Variants in GABRG3 observed in about 807,000 individuals in gnomAD.
GABRG3 encodes gamma-aminobutyric acid type A receptor subunit gamma3.
Under a neutral mutation model 48.8 loss-of-function variants are expected in GABRG3, and 25 were observed. The observed-to-expected ratio is 0.51, with a 90% confidence interval of 0.37 to 0.72. The LOEUF is 0.72. Among genes scored for constraint, GABRG3 ranks in the 30% least tolerant of loss-of-function variants. The pLI, the probability that GABRG3 is intolerant of heterozygous loss-of-function variation, is 0.00. For missense variants in GABRG3, 394 were observed against 577.9 expected (o/e 0.68, Z 3.26); for synonymous variants, 227 against 217.6 (o/e 1.04, Z -0.38).
In GABRG3 at chr15:27,271,504, C is replaced by T. The variant is rs538803460; in HGVS notation, c.271-55305C>T. 1.4e-3 allele frequency: 633 copies of T among 454,470 alleles called. 2 individuals carry two copies. Among genetic ancestry groups the T allele is most frequent in the Non-Finnish European group, 2.3e-3 (527 of 226,166 alleles). The allele number at this position is 454,470 out of a possible 1,614,324, so 28.2% of individuals were successfully genotyped here. On this transcript the variant is annotated intron_variant, in intron 3 of 9. Transcript: ENST00000615808. ...GCCCTCAGAGCAACAGGCCACGCCC[C>T]GGAGCCCCCAGGCCACGCCCTTTAG...
At chr15:27,435,073 A>G (rs1046870306) in intron 5 of GABRG3, among the ~76,000 whole-genome samples, 1 of 152,014 alleles carries the variant, frequency 6.6e-6, no homozygotes, top group Non-Finnish European at 1.5e-5. Flanking sequence ...TCCCTTGAAT[A>G]TGCAGGACCT....
intron 5 of GABRG3, among the ~76,000 whole-genome samples, chr15:27,355,539 C>T (rs112859175): frequency 0.01 from 1,531 of 152,322 alleles, 30 homozygotes; most frequent in African/African-American, 0.035. Context: ...GGTGGTTCTG[C>T]TACTTCGGAA....
At chr15:27,477,767 A>G (rs530079206) in intron 5 of GABRG3, among the ~76,000 whole-genome samples, 51 of 152,272 alleles carry the variant, frequency 3.3e-4, no homozygotes, top group Admixed American at 1.9e-3. Flanking sequence ...GAGGCCGGGC[A>G]CAGTGGCTCA....
chr15:27,156,765 G>A (rs1283331849), intron 3 of GABRG3, among the ~76,000 whole-genome samples: 1 of 152,216 alleles, frequency 6.6e-6, no homozygotes, highest in Non-Finnish European at 1.5e-5. Context: ...TTACTCTGAA[G>A]GTGATCAGCA....
chr15:27,336,566 G>T (rs530819846), intron 5 of GABRG3, among the ~76,000 whole-genome samples: 11 of 152,356 alleles, frequency 7.2e-5, no homozygotes, highest in African/African-American at 2.4e-4. Context: ...TGGATACACT[G>T]CTGGTGGGAA....
intron 5 of GABRG3, among the ~76,000 whole-genome samples, chr15:27,442,170 TG>T (rs1389018710): frequency 6.6e-6 from 1 of 152,134 alleles, no homozygotes; most frequent in East Asian, 1.9e-4. Context: ...CACCCAGCCT[TG>T]GCAGAGGGCA....
At chr15:27,302,282 T>C (rs972618324) in intron 3 of GABRG3, among the ~76,000 whole-genome samples, 6 of 152,012 alleles carry the variant, frequency 3.9e-5, no homozygotes, top group African/African-American at 1.4e-4. Context: ...CTATAAGATA[T>C]TAGCTATACA....
intron 3 of GABRG3, among the ~76,000 whole-genome samples, chr15:27,033,500 TG>T (rs1429123429): frequency 2.6e-5 from 4 of 152,172 alleles, no homozygotes; most frequent in African/African-American, 7.2e-5. Context: ...AGATTTTTGT[TG>T]TTGCTTTGGT....
At chr15:27,364,942 T>G (rs1895142360) in intron 5 of GABRG3, 1 of 151,388 alleles carries the variant, frequency 6.6e-6, no homozygotes, top group Non-Finnish European at 1.5e-5. Context: ...ACAAGAAACT[T>G]GCAAGACTAG....
In GABRG3 at chr15:27,038,152, G is replaced by A. The variant is rs76545458; in HGVS notation, c.270+11331G>A. ...CACTGTAACAAATACCTTAGACTGG[G>A]TAGTTTACATACTGCAGACATTTAT... On this transcript the variant is annotated intron_variant, in intron 3 of 9. Transcript: ENST00000615808. 3.5e-3 allele frequency among the ~76,000 whole-genome samples: 539 copies of A among 152,198 alleles called. 1 individual carries two copies. The highest frequency in any genetic ancestry group is 0.012 in the African/African-American group (494 of 41,532).
intron 3 of GABRG3, among the ~76,000 whole-genome samples, chr15:27,046,737 AATAGGCACAC>A (rs1196164721): frequency 2.0e-5 from 3 of 152,198 alleles, no homozygotes; most frequent in African/African-American, 7.2e-5. Context: ...GAGGTCTGAA[AATAGGCACAC>A]ACCTTTAAAA....
At position 27,436,159 on chromosome 15, in the gene GABRG3, G is replaced by A. The variant is rs72707626; in HGVS notation, c.575-44491G>A. Among the ~76,000 whole-genome samples, 414 of 152,346 alleles carry A rather than the reference G, an allele frequency of 2.7e-3. 1 individual carries two copies. The highest frequency in any genetic ancestry group is 4.9e-3 in the Non-Finnish European group (334 of 68,032). ...CATTTCTCACAATTCTGGAGGCTGG[G>A]AAGTTCAAGATCAAGGCACTAGCAG... On this transcript the variant is annotated intron_variant, in intron 5 of 9. Coordinates refer to ENST00000615808, the MANE Select transcript of GABRG3 (RefSeq NM_033223.5).
chr15:26,986,531 T>C (rs1691631402), intron 2 of GABRG3, among the ~76,000 whole-genome samples: 1 of 152,124 alleles, frequency 6.6e-6, no homozygotes, highest in African/African-American at 2.4e-5. Flanking sequence ...GCACCTAGGA[T>C]TGCACCATGC....
At chr15:27,238,563 G>A (rs1890044550) in intron 3 of GABRG3, among the ~76,000 whole-genome samples, 1 of 152,206 alleles carries the variant, frequency 6.6e-6, no homozygotes, top group African/African-American at 2.4e-5. Flanking sequence ...AAAATAAGAG[G>A]GAAAGGGATG....
chr15:27,092,985 C>T (rs1255574927), intron 3 of GABRG3, among the ~76,000 whole-genome samples: 2 of 151,922 alleles, frequency 1.3e-5, no homozygotes, highest in African/African-American at 4.8e-5. Context: ...GAAGGGGCCT[C>T]CTTCTGTAAT....
intron 3 of GABRG3, among the ~76,000 whole-genome samples, chr15:27,194,604 T>C (rs1370126610): frequency 1.3e-5 from 2 of 152,232 alleles, no homozygotes; most frequent in African/African-American, 4.8e-5. Flanking sequence ...CTAGCATTCA[T>C]GGTTTTAGAT....
At chr15:27,317,832 C>T (rs940941101) in intron 3 of GABRG3, among the ~76,000 whole-genome samples, 1 of 152,134 alleles carries the variant, frequency 6.6e-6, no homozygotes, top group Non-Finnish European at 1.5e-5. Context: ...GATTTAGACC[C>T]TGTGAGCAAG....
intron 3 of GABRG3, among the ~76,000 whole-genome samples, chr15:27,141,101 G>T (rs543609075): frequency 2.6e-5 from 4 of 152,284 alleles, no homozygotes; most frequent in South Asian, 2.1e-4. Context: ...TGGAATAGTG[G>T]TGGATAGAAG....
At chr15:27,470,940 T>C (rs1312586966) in intron 5 of GABRG3, among the ~76,000 whole-genome samples, 1 of 152,034 alleles carries the variant, frequency 6.6e-6, no homozygotes. Flanking sequence ...TTTAGATCCC[T>C]GATCCATTTG....
Sources: allele counts gnomAD v4.1 joint callset (sites outside exome capture counted in the v4.1 genomes callset), GRCh38; gene constraint gnomAD v4.1.1; transcripts MANE v1.5; gene names NCBI Gene and HGNC (gene_info 2026-07-23, HGNC 2026-07-21).